The following PCDH9 variants were observed in gnomAD, a reference collection of about 807,000 sequenced individuals.
The protein encoded by PCDH9 is protocadherin-9.
Under a neutral mutation model 70.6 loss-of-function variants are expected in PCDH9, and 24 were observed. The observed-to-expected ratio is 0.34, with a 90% CI of 0.25 to 0.48. The LOEUF (loss-of-function observed/expected upper bound fraction) is 0.48. Among genes scored for constraint, PCDH9 ranks in the 20% least tolerant of loss-of-function variants. The pLI, the probability that PCDH9 is intolerant of heterozygous loss-of-function variation, is 0.99. For missense variants in PCDH9, 1,281 were observed against 1,503.6 expected, an observed-to-expected ratio of 0.85 and a Z score of 2.45; for synonymous variants, 562 against 558.5, an observed-to-expected ratio of 1.01 and a Z score of -0.09.
intron 3 of PCDH9, among the ~76,000 whole-genome samples, chr13:66,819,676 G>A (rs547154676): frequency 1.3e-5 from 2 of 152,212 alleles, no homozygotes; most frequent in Admixed American, 6.5e-5. Flanking sequence ...GACTGCTGGA[G>A]GTCAGGAGTT....
rs796078572 is a variant in PCDH9 at position 66,662,061 on chromosome 13, GTA to G, written c.3139-30652_3139-30651del. ...TGAGTATGTGTGTGTGTGTGTGTGT[GTA>G]TGTGTGTATGTGTGTTAGGAAGTGG... On this transcript the variant is annotated intron_variant, in intron 3 of 4. Transcript: ENST00000377865. 8.5e-3 allele frequency among the ~76,000 whole-genome samples: 1,241 copies of G among 145,150 alleles called. 15 individuals are homozygous for G. The highest frequency in any genetic ancestry group is 0.029 in the African/African-American group (1,135 of 39,172).
rs1393895771 is a variant in PCDH9 at position 66,696,974 on chromosome 13, T to G, written c.3139-65563A>C. On this transcript the variant is annotated intron_variant, in intron 3 of 4. Coordinates refer to ENST00000377865, the MANE Select transcript of PCDH9 (RefSeq NM_203487.3). ...TAATCCAGGCATGGTGGTATGTACCTGCAGTCTCGGCTACTCAGGAGGCTG... is the reference window on the plus strand; with the variant it reads ...TAATCCAGGCATGGTGGTATGTACCGGCAGTCTCGGCTACTCAGGAGGCTG... Among the ~76,000 whole-genome samples the G allele has an allele frequency of 5.3e-5, 8 of 151,954 alleles. No individual in the cohort carries two copies. The East Asian group carries it at 1.4e-3, about 26-fold the overall frequency.
At chr13:67,022,442 GA>G (rs909571633) in intron 2 of PCDH9, among the ~76,000 whole-genome samples, 4 of 152,050 alleles carry the variant, frequency 2.6e-5, no homozygotes, top group Admixed American at 2.6e-4. Flanking sequence ...TTTAATTAGA[GA>G]CTTGAATATT....
chr13:66,624,529 G>T (rs2138913711), intron 4 of PCDH9, among the ~76,000 whole-genome samples: 1 of 152,328 alleles, frequency 6.6e-6, no homozygotes, highest in African/African-American at 2.4e-5. Flanking sequence ...TAGCGGTCAT[G>T]CCCTGCCTTC....
intron 2 of PCDH9, among the ~76,000 whole-genome samples, chr13:67,191,298 G>C (rs112132382): frequency 6.6e-6 from 1 of 151,880 alleles, no homozygotes; most frequent in African/African-American, 2.4e-5. Context: ...TACATTCCTC[G>C]AAAATATAAA....
At chr13:66,533,418 T>C (rs751143715) in intron 4 of PCDH9, among the ~76,000 whole-genome samples, 1 of 152,046 alleles carries the variant, frequency 6.6e-6, no homozygotes, top group Non-Finnish European at 1.5e-5. Flanking sequence ...TATATAAAAA[T>C]AACTAGACAG....
chr13:66,682,580 T>C (rs2078343319), intron 3 of PCDH9, among the ~76,000 whole-genome samples: 1 of 152,104 alleles, frequency 6.6e-6, no homozygotes, highest in South Asian at 2.1e-4. Context: ...TCCTTTCTGA[T>C]TGTTGTGTTG....
At chr13:67,074,048 C>G (rs2085823546) in intron 2 of PCDH9, among the ~76,000 whole-genome samples, 1 of 148,768 alleles carries the variant, frequency 6.7e-6, no homozygotes. Context: ...ATCTATCTAT[C>G]TATCTATCTA....
At chr13:66,494,473 G>A (rs1016946194) in intron 4 of PCDH9, among the ~76,000 whole-genome samples, 2 of 152,098 alleles carry the variant, frequency 1.3e-5, no homozygotes, top group African/African-American at 4.8e-5. Context: ...TGAAATAGCT[G>A]TCTGAAATTT....
intron 2 of PCDH9, among the ~76,000 whole-genome samples, chr13:67,068,791 A>G (rs2085701950): frequency 6.6e-6 from 1 of 152,202 alleles, no homozygotes; most frequent in Non-Finnish European, 1.5e-5. Context: ...ATTTATGTAA[A>G]AACAATGAAT....
intron 4 of PCDH9, among the ~76,000 whole-genome samples, chr13:66,481,560 T>C (rs1259259183): frequency 6.6e-6 from 1 of 152,182 alleles, no homozygotes; most frequent in Non-Finnish European, 1.5e-5. Flanking sequence ...AAATATGCAC[T>C]GGGAAGCCAA....
chr13:66,991,449 ATATT>A (rs2084001156), intron 2 of PCDH9, among the ~76,000 whole-genome samples: 1 of 152,122 alleles, frequency 6.6e-6, no homozygotes, highest in African/African-American at 2.4e-5. Flanking sequence ...GAAAAAATAT[ATATT>A]AAAGAATCAT....
chr13:66,786,642 G>C (rs2080084144), intron 3 of PCDH9, among the ~76,000 whole-genome samples: 1 of 152,162 alleles, frequency 6.6e-6, no homozygotes, highest in Admixed American at 6.6e-5. Flanking sequence ...ATCATCCAAA[G>C]ATACCCCTGA....
intron 3 of PCDH9, among the ~76,000 whole-genome samples, chr13:66,889,191 G>T (rs896787284): frequency 1.3e-5 from 2 of 152,150 alleles, no homozygotes; most frequent in Non-Finnish European, 1.5e-5. Context: ...AACAGGCTGA[G>T]GTTTATTGAG....
At chr13:66,642,750 A>G (rs1870475120) in intron 3 of PCDH9, among the ~76,000 whole-genome samples, 1 of 151,914 alleles carries the variant, frequency 6.6e-6, no homozygotes, top group Admixed American at 6.5e-5. Flanking sequence ...GTAGCTTAAA[A>G]ATTATATTTG....
At chr13:66,538,046 A>G (rs1303164466) in intron 4 of PCDH9, among the ~76,000 whole-genome samples, 2 of 152,164 alleles carry the variant, frequency 1.3e-5, no homozygotes, top group Admixed American at 1.3e-4. Context: ...TACCCTTCTC[A>G]TTAGAGTTAC....
At chr13:66,934,963 G>T (rs900440904) in intron 2 of PCDH9, among the ~76,000 whole-genome samples, 1 of 151,226 alleles carries the variant, frequency 6.6e-6, no homozygotes, top group South Asian at 2.1e-4. Flanking sequence ...CTCGTGATCC[G>T]CCCGCCTCGG....
Position 66,631,277 on chromosome 13 carries a change from G to T in PCDH9, c.3273C>A (p.Asp1091Glu), listed in dbSNP as rs372281341. ...CCGGAGAGGCCTGGTCATAGAATTCGTCCTGTGGCTGAACCAGAGGAAGAG... is the reference window on the plus strand; with the variant it reads ...CCGGAGAGGCCTGGTCATAGAATTCTTCCTGTGGCTGAACCAGAGGAAGAG... ...SHPLPLVQPQ[D>E]EFYDQASPDK... The change falls in exon 4 of 5, where the codon GAC becomes GAA. Residue 1091 changes from aspartate (D) to glutamate (E), a missense_variant. Coordinates refer to ENST00000377865, the MANE Select transcript of PCDH9 (RefSeq NM_203487.3). 1.2e-6 allele frequency: 2 copies of T among 1,609,788 alleles called. No homozygotes were observed. The highest frequency in any genetic ancestry group is 2.2e-5 in the South Asian group (2 of 91,006).
At chr13:66,903,478 A>G in intron 3 of PCDH9, 26 bp downstream of exon 3, 1 of 929,132 alleles carries the variant, frequency 1.1e-6, no homozygotes, top group Non-Finnish European at 1.8e-6. Flanking sequence ...CAGTACTAAC[A>G]TGTTCTCTAT....
Sources: allele counts gnomAD v4.1 joint callset (sites outside exome capture counted in the v4.1 genomes callset), GRCh38; gene constraint gnomAD v4.1.1; transcripts MANE v1.5; gene names NCBI Gene and HGNC (gene_info 2026-07-23, HGNC 2026-07-21).